CA10: variants seen among roughly 807,000 people sequenced by gnomAD.
The protein encoded by CA10 is carbonic anhydrase-related protein 10.
Under a neutral mutation model 44.2 loss-of-function variants are expected in CA10, and 14 were observed. The ratio of observed to expected loss-of-function variants is 0.32; its 90% CI spans 0.21 to 0.50. The LOEUF (loss-of-function observed/expected upper bound fraction) is 0.50. CA10 is among the 20% of genes least tolerant of loss of function. The pLI, the probability that CA10 is intolerant of heterozygous loss-of-function variation, is 0.99. For missense variants in CA10, 350 were observed against 409.7 expected (o/e 0.85, Z 1.26); for synonymous variants, 159 against 141.6 (o/e 1.12, Z -0.87).
chr17:51,651,136 A>G (rs1375895129), intron 5 of CA10, among the ~76,000 whole-genome samples: 3 of 152,144 alleles, frequency 2.0e-5, no homozygotes, highest in African/African-American at 7.2e-5. Flanking sequence ...CTAAACTACC[A>G]GGATGTGGGG....
intron 3 of CA10, among the ~76,000 whole-genome samples, chr17:51,812,425 C>T (rs1907406832): frequency 6.6e-6 from 1 of 152,126 alleles, no homozygotes; most frequent in South Asian, 2.1e-4. Flanking sequence ...GTGAAATTCA[C>T]CATAGTGAAA....
intron 3 of CA10, among the ~76,000 whole-genome samples, chr17:51,768,815 C>T (rs1010718060): frequency 1.3e-5 from 2 of 152,166 alleles, no homozygotes; most frequent in African/African-American, 4.8e-5. Context: ...TCTGTTAAAG[C>T]TCTCTTTCCA....
chr17:52,132,955 A>G (rs940193001), intron 1 of CA10, among the ~76,000 whole-genome samples: 18 of 152,144 alleles, frequency 1.2e-4, no homozygotes, highest in Middle Eastern at 3.2e-3. Context: ...CAGGGCTTAA[A>G]TCAGTGCTAC....
chr17:51,958,328 T>TGGGC (rs551391024), intron 2 of CA10, among the ~76,000 whole-genome samples: 351 of 152,052 alleles, frequency 2.3e-3, no homozygotes, highest in African/African-American at 8.1e-3. Context: ...TTCAATTCCC[T>TGGGC]GGGCAAGCAA....
chr17:51,746,124 C>G (rs1335711916), intron 4 of CA10, among the ~76,000 whole-genome samples: 2 of 152,162 alleles, frequency 1.3e-5, no homozygotes, highest in African/African-American at 4.8e-5. Flanking sequence ...GAGACCCATA[C>G]TACAGCTCAA....
At chr17:51,908,960 T>G (rs1302776937) in intron 3 of CA10, among the ~76,000 whole-genome samples, 1 of 152,140 alleles carries the variant, frequency 6.6e-6, no homozygotes, top group Admixed American at 6.6e-5. Context: ...TCTCACTGAA[T>G]AAAATGTCCT....
chr17:51,691,133 T>C (rs1253642675), intron 4 of CA10, among the ~76,000 whole-genome samples: 1 of 152,244 alleles, frequency 6.6e-6, no homozygotes, highest in African/African-American at 2.4e-5. Context: ...TTTACTTTTT[T>C]GAAGAATCTT....
At chr17:51,780,696 C>T (rs751698995) in intron 3 of CA10, among the ~76,000 whole-genome samples, 9 of 152,088 alleles carry the variant, frequency 5.9e-5, no homozygotes, top group African/African-American at 1.2e-4. Context: ...ACTAACTCCT[C>T]GAAAAATTAG....
intron 2 of CA10, among the ~76,000 whole-genome samples, chr17:52,035,612 A>G (rs1382108602): frequency 6.6e-6 from 1 of 152,202 alleles, no homozygotes. Context: ...TGGCAGTGCT[A>G]AAAGAGCACT....
intron 3 of CA10, among the ~76,000 whole-genome samples, chr17:51,809,052 C>T (rs1292304155): frequency 6.6e-6 from 1 of 151,182 alleles, no homozygotes; most frequent in Non-Finnish European, 1.5e-5. Context: ...TAAGCCCTGA[C>T]TTGGCATCTA....
chr17:51,701,141 C>T (rs185202374), intron 4 of CA10, among the ~76,000 whole-genome samples: 1 of 152,008 alleles, frequency 6.6e-6, no homozygotes, highest in African/African-American at 2.4e-5. Context: ...AGGGTTGGTT[C>T]CTTCTGGAGG....
chr17:51,859,721 C>T (rs140346066), intron 3 of CA10, among the ~76,000 whole-genome samples: 248 of 152,212 alleles, frequency 1.6e-3, no homozygotes, highest in African/African-American at 5.8e-3. Context: ...TTATTTATTT[C>T]ACAGGGTTTT....
At chr17:52,030,955 A>G (rs1986447640) in intron 2 of CA10, among the ~76,000 whole-genome samples, 1 of 152,134 alleles carries the variant, frequency 6.6e-6, no homozygotes. Context: ...ATCCCAGGGT[A>G]TCCAGCTTGA....
chr17:52,093,823 C>T (rs17607202), intron 1 of CA10, among the ~76,000 whole-genome samples: 50,270 of 152,020 alleles, frequency 0.33, 10,257 homozygotes, highest in Non-Finnish European at 0.46. Flanking sequence ...TATCTTGTTT[C>T]ATTCTCACCA....
At chr17:51,764,799 A>G (rs764932186) in intron 3 of CA10, among the ~76,000 whole-genome samples, 1 of 152,200 alleles carries the variant, frequency 6.6e-6, no homozygotes, top group Non-Finnish European at 1.5e-5. Context: ...ATTAAGAACC[A>G]AATGCTCTTC....
At chr17:51,753,224 G>A (rs1029690803) in intron 3 of CA10, among the ~76,000 whole-genome samples, 2 of 152,198 alleles carry the variant, frequency 1.3e-5, no homozygotes, top group East Asian at 1.9e-4. Flanking sequence ...CTCCACAGAT[G>A]TGCCTGTCCA....
At chr17:51,676,625 A>T (rs1914633955) in intron 4 of CA10, among the ~76,000 whole-genome samples, 1 of 152,142 alleles carries the variant, frequency 6.6e-6, no homozygotes, top group Admixed American at 6.5e-5. Context: ...TACATCAGAA[A>T]CCCTATTGGC....
intron 2 of CA10, among the ~76,000 whole-genome samples, chr17:51,947,228 A>G: frequency 6.8e-6 from 1 of 148,086 alleles, no homozygotes; most frequent in South Asian, 2.2e-4. Flanking sequence ...CATGTGCAAA[A>G]AAAAAAAAAA....
chr17:51,961,364 C>A (rs1418935613), intron 2 of CA10, among the ~76,000 whole-genome samples: 1 of 151,624 alleles, frequency 6.6e-6, no homozygotes, highest in East Asian at 1.9e-4. Context: ...GTGAAAAATT[C>A]AAATCAATAA....
Sources: gnomAD v4.1 joint callset for allele counts (sites outside exome capture counted in the v4.1 genomes callset) on GRCh38, gnomAD v4.1.1 for gene constraint, MANE v1.5 for transcripts, NCBI Gene and HGNC (gene_info 2026-07-23, HGNC 2026-07-21) for gene names.